The following MBTPS1 variants were observed in gnomAD, a reference collection of about 807,000 sequenced individuals.
MBTPS1 encodes membrane-bound transcription factor site-1 protease.
Under a neutral mutation model 127.8 loss-of-function variants are expected in MBTPS1, and 94 were observed. That is an observed-to-expected ratio of 0.74 (90% CI 0.62 to 0.87). MBTPS1 has a LOEUF of 0.87. Ranked by LOEUF, MBTPS1 falls within the 40% of genes least tolerant of loss-of-function variation. The pLI, the probability that MBTPS1 is intolerant of heterozygous loss-of-function variation, is 0.00. For missense variants in MBTPS1, 1,636 were observed against 1,353.2 expected (o/e 1.21, Z -3.28); for synonymous variants, 632 against 509.4 (o/e 1.24, Z -3.24).
chr16:84,062,805 C>G (rs922204586), intron 19 of MBTPS1, among the ~76,000 whole-genome samples: 2 of 152,326 alleles, frequency 1.3e-5, no homozygotes, highest in East Asian at 1.9e-4. Flanking sequence ...CTCCCCTTCA[C>G]GCCTCGAGAT....
At chr16:84,072,751 C>A (rs1246700103) in intron 12 of MBTPS1, among the ~76,000 whole-genome samples, 1 of 152,148 alleles carries the variant, frequency 6.6e-6, no homozygotes, top group East Asian at 1.9e-4. Flanking sequence ...GATCGTGCCA[C>A]TGCACTCAAG....
intron 11 of MBTPS1, among the ~76,000 whole-genome samples, chr16:84,077,866 C>T (rs1017191258): frequency 5.3e-5 from 8 of 151,582 alleles, no homozygotes; most frequent in African/African-American, 1.7e-4. Context: ...ACTCATATAT[C>T]GAGAACTCTA....
intron 10 of MBTPS1, among the ~76,000 whole-genome samples, chr16:84,083,448 A>T: frequency 6.6e-6 from 1 of 151,632 alleles, no homozygotes; most frequent in South Asian, 2.1e-4. Flanking sequence ...AAAGAGATGG[A>T]TATCTACCCC....
chr16:84,112,625 G>A lies in MBTPS1; in HGVS notation c.-325+4110C>T, dbSNP rs542075468. Among the ~76,000 whole-genome samples, 3 of 143,254 alleles carry A rather than the reference G, an allele frequency of 2.1e-5. No homozygotes were observed. The South Asian group carries it at 6.6e-4, about 31-fold the overall frequency. The allele number at this position is 143,254 out of a possible 152,430, so 94.0% of individuals were successfully genotyped here. A position where few individuals can be genotyped will look rare whatever the true frequency, so the allele number is the denominator to read the frequency against. On this transcript the variant is annotated intron_variant, in intron 1 of 22. Coordinates refer to ENST00000343411, the MANE Select transcript of MBTPS1 (RefSeq NM_003791.4). Reference sequence around the variant, plus strand: ...TCCAGGGAGCTGAGATCACGCCACTGCACTCCAGCCCGGGCAACAGAGCGA... The same window carrying A: ...TCCAGGGAGCTGAGATCACGCCACTACACTCCAGCCCGGGCAACAGAGCGA...
rs556965538 is a variant in MBTPS1 at position 84,116,930 on chromosome 16, G to A, written c.-520C>T. On this transcript the variant is annotated 5_prime_UTR_variant, in exon 1 of 23. Coordinates refer to ENST00000343411, the MANE Select transcript of MBTPS1 (RefSeq NM_003791.4). ...TGTCTGTCCCGCGCTCCCGGGGCTTGCGTGCGCGCTCTGGACGCCGTGGGC... is the reference window on the plus strand; with the variant it reads ...TGTCTGTCCCGCGCTCCCGGGGCTTACGTGCGCGCTCTGGACGCCGTGGGC... 1 of 152,224 alleles carries A rather than the reference G, an allele frequency of 6.6e-6. No homozygotes were observed. The highest frequency in any genetic ancestry group is 1.5e-5 in the Non-Finnish European group (1 of 68,036). The allele number at this position is 152,224 out of a possible 1,614,324, so 9.4% of individuals were successfully genotyped here. A position where few individuals can be genotyped will look rare whatever the true frequency, so the allele number is the denominator to read the frequency against.
intron 1 of MBTPS1, among the ~76,000 whole-genome samples, chr16:84,112,530 T>C: frequency 6.6e-6 from 1 of 150,814 alleles, no homozygotes; most frequent in Non-Finnish European, 1.5e-5. Context: ...GGCGTGGTGG[T>C]GGGCTCCTGT....
chr16:84,090,725 A>G, intron 8 of MBTPS1, 150 bp downstream of exon 8: 1 of 633,690 alleles, frequency 1.6e-6, no homozygotes, highest in Non-Finnish European at 2.8e-6. Flanking sequence ...TACATCCTAT[A>G]GTATTTTTTT....
intron 1 of MBTPS1, among the ~76,000 whole-genome samples, chr16:84,104,266 A>G (rs1261289080): frequency 6.6e-6 from 1 of 152,138 alleles, no homozygotes; most frequent in Non-Finnish European, 1.5e-5. Flanking sequence ...CAATCATTTG[A>G]GCCCAGAGGT....
intron 1 of MBTPS1, 89 bp from the exon 2 acceptor site, chr16:84,102,196 G>A (rs2086267181): frequency 6.5e-6 from 1 of 154,002 alleles, no homozygotes; most frequent in African/African-American, 2.4e-5. Context: ...TTAAGCAAGT[G>A]GGTCAGCCAG....
intron 10 of MBTPS1, 82 bp downstream of exon 10, chr16:84,084,901 C>T (rs1415988474): frequency 6.8e-7 from 1 of 1,473,610 alleles, no homozygotes; most frequent in Non-Finnish European, 9.3e-7. Flanking sequence ...AGGGCAGAAG[C>T]AAGACACGAC....
intron 12 of MBTPS1, among the ~76,000 whole-genome samples, 167 bp downstream of exon 12, chr16:84,074,430 C>T (rs1317816640): frequency 6.6e-6 from 1 of 152,162 alleles, no homozygotes; most frequent in Non-Finnish European, 1.5e-5. Flanking sequence ...AGACAGGTCT[C>T]ACTTTGTTGC....
chr16:84,087,561 C>A, intron 8 of MBTPS1, 101 bp from the exon 9 acceptor site: 2 of 731,140 alleles, frequency 2.7e-6, no homozygotes, highest in East Asian at 2.7e-5. Context: ...ACTCCCAGAA[C>A]AATCTAACAC....
At position 84,099,166 on chromosome 16, in the gene MBTPS1, A is replaced by C. The variant is rs1187980572; in HGVS notation, c.308T>G (p.Val103Gly). 1 of 1,614,004 alleles carries C rather than the reference A, an allele frequency of 6.2e-7. No individual in the cohort carries two copies. Among genetic ancestry groups the C allele is most frequent in the Non-Finnish European group, 8.5e-7 (1 of 1,180,038 alleles). Residue 103 changes from valine to glycine, a missense_variant, in exon 3 of 23, where the codon GTG becomes GGG. By Grantham distance (109) the Val-to-Gly change is moderately radical. Transcript: ENST00000343411. ...TTTCTGTTTTTCTTTTATCTGAATC[A>C]CCTCAAAATCACTAGGGTAGTCACT... Reference protein sequence around the residue: ...PSSDYPSDFEVIQIKEKQKAG... With the variant: ...PSSDYPSDFEGIQIKEKQKAG...
Position 84,059,330 on chromosome 16 carries a change from G to C in MBTPS1, c.2803C>G (p.Pro935Ala), listed in dbSNP as rs1260304879. The change falls in exon 21 of 23, where the codon CCA becomes GCA. Residue 935 changes from proline to alanine, a missense_variant. By Grantham distance (27) the Pro-to-Ala change is conservative. Transcript: ENST00000343411. ...GGCGCCGTCTCGTTTAAAGGCTGTG[G>C]CTTGGCCCAAGACAAGCGTGGACAG... ...PACPRLSWAK[P>A]QPLNETAPSN... is the part of the protein sequence containing the mutation. The C allele has an allele frequency of 6.2e-7, 1 of 1,614,090 alleles. No individual in the cohort carries two copies.
At chr16:84,069,225 G>A (rs2085733632) in intron 14 of MBTPS1, among the ~76,000 whole-genome samples, 1 of 152,224 alleles carries the variant, frequency 6.6e-6, no homozygotes, top group African/African-American at 2.4e-5. Flanking sequence ...AAGCAGAAAT[G>A]AGCTTGGCTA....
At chr16:84,114,829 A>AAAATAAATATAAATATAAATATAAAT (rs879713672) in intron 1 of MBTPS1, among the ~76,000 whole-genome samples, 4 of 151,410 alleles carry the variant, frequency 2.6e-5, no homozygotes, top group African/African-American at 7.3e-5. Flanking sequence ...ACTCTGTCTC[A>AAAATAAATATAAATATAAATATAAAT]AAAAAATAAA....
intron 20 of MBTPS1, 44 bp from the exon 21 acceptor site, chr16:84,059,472 T>C (rs2085574490): frequency 2.5e-6 from 4 of 1,589,314 alleles, no homozygotes; most frequent in Non-Finnish European, 3.4e-6. Context: ...ATCATCTCTA[T>C]TACTAAAATG....
chr16:84,084,898 A>G (rs1488437222), intron 10 of MBTPS1, 85 bp downstream of exon 10: 10 of 1,453,278 alleles, frequency 6.9e-6, no homozygotes, highest in Non-Finnish European at 8.5e-6. Context: ...GACAGGGCAG[A>G]AGCAAGACAC....
chr16:84,098,987 A>G, intron 3 of MBTPS1, 66 bp downstream of exon 3: 1 of 1,453,406 alleles, frequency 6.9e-7, no homozygotes, highest in East Asian at 2.3e-5. Flanking sequence ...TTTTTCAACT[A>G]CTCTGCAGTT....
Sources: allele counts gnomAD v4.1 joint callset (sites outside exome capture counted in the v4.1 genomes callset), GRCh38; gene constraint gnomAD v4.1.1; transcripts MANE v1.5; gene names NCBI Gene and HGNC (gene_info 2026-07-23, HGNC 2026-07-21).